RARB: variants seen among roughly 807,000 people sequenced by gnomAD.
RARB encodes the protein HBV-activated protein.
A neutral mutation model predicts 51.9 loss-of-function variants in RARB; 17 were observed. The observed-to-expected ratio is 0.33, with a 90% CI of 0.22 to 0.49. RARB has a LOEUF of 0.49. Among genes scored for constraint, RARB ranks in the 20% least tolerant of loss-of-function variants. The probability of loss-of-function intolerance (pLI) is 0.99; values close to 1 mark genes in which losing one functional copy is unlikely to be tolerated. For missense variants in RARB, 369 were observed against 550.8 expected (o/e 0.67, Z 3.30); for synonymous variants, 215 against 195.4 (o/e 1.10, Z -0.84).
chr3:25,131,000 T>TCATTGATAATA (rs1433010973), intron 3 of RARB, among the ~76,000 whole-genome samples: 1 of 28,636 alleles, frequency 3.5e-5, no homozygotes, highest in African/African-American at 1.4e-4. Flanking sequence ...TCAATATTTA[T>TCATTGATAATA]TTATTATTTA....
chr3:25,125,225 C>T (rs1699842606), intron 3 of RARB, among the ~76,000 whole-genome samples: 1 of 152,134 alleles, frequency 6.6e-6, no homozygotes, highest in Non-Finnish European at 1.5e-5. Context: ...TTAATCAGGG[C>T]ATCTGAAATA....
intron 2 of RARB, among the ~76,000 whole-genome samples, chr3:24,877,695 G>T (rs552972650): frequency 4.1e-4 from 62 of 152,214 alleles, no homozygotes; most frequent in African/African-American, 1.5e-3. Flanking sequence ...ACAATGAGTG[G>T]CAGGCTGGCA....
intron 5 of RARB, among the ~76,000 whole-genome samples, chr3:25,376,369 C>A (rs1466206665): frequency 6.6e-6 from 1 of 152,186 alleles, no homozygotes; most frequent in African/African-American, 2.4e-5. Context: ...TCTCAAAATA[C>A]TATCTTTTGT....
intron 1 of RARB, among the ~76,000 whole-genome samples, chr3:25,454,981 G>T (rs1294636090): frequency 6.6e-6 from 1 of 152,184 alleles, no homozygotes; most frequent in African/African-American, 2.4e-5. Context: ...CTTCGTCAGT[G>T]GGAACTCGGG....
At chr3:25,288,355 G>A (rs1399594681) in intron 5 of RARB, among the ~76,000 whole-genome samples, 7 of 151,566 alleles carry the variant, frequency 4.6e-5, no homozygotes, top group African/African-American at 7.3e-5. Context: ...GCAGTTAATC[G>A]CTTCTTCTCT....
intron 5 of RARB, among the ~76,000 whole-genome samples, chr3:25,400,974 C>T (rs1707247613): frequency 6.6e-6 from 1 of 152,088 alleles, no homozygotes; most frequent in Non-Finnish European, 1.5e-5. Context: ...GAGGGGTCAA[C>T]CCCTCTGAAA....
intron 2 of RARB, among the ~76,000 whole-genome samples, chr3:25,014,513 C>T (rs953477177): frequency 2.6e-5 from 4 of 152,054 alleles, no homozygotes; most frequent in Admixed American, 2.6e-4. Flanking sequence ...GTCATGTAGA[C>T]GAATCTATTT....
chr3:25,125,018 G>C (rs1283499179), intron 3 of RARB, among the ~76,000 whole-genome samples: 1 of 152,152 alleles, frequency 6.6e-6, no homozygotes, highest in African/African-American at 2.4e-5. Flanking sequence ...AAAAATTCTT[G>C]ATTGAGATCA....
At chr3:24,994,758 C>T (rs1024587150) in intron 2 of RARB, among the ~76,000 whole-genome samples, 1 of 151,970 alleles carries the variant, frequency 6.6e-6, no homozygotes, top group African/African-American at 2.4e-5. Context: ...CTGCTCTTTC[C>T]CCATTGTATG....
At chr3:25,456,261 T>C (rs1194456010) in intron 1 of RARB, among the ~76,000 whole-genome samples, 1 of 152,182 alleles carries the variant, frequency 6.6e-6, no homozygotes, top group Non-Finnish European at 1.5e-5. Flanking sequence ...CTGAGCACTC[T>C]GTATCTGCCT....
chr3:25,328,946 C>T (rs555513924), intron 5 of RARB, among the ~76,000 whole-genome samples: 9 of 152,316 alleles, frequency 5.9e-5, no homozygotes, highest in East Asian at 1.9e-4. Flanking sequence ...AGTCTGAGAT[C>T]GAACTGCAAG....
chr3:24,844,993 A>C (rs1368970202), intron 1 of RARB, among the ~76,000 whole-genome samples: 3 of 152,104 alleles, frequency 2.0e-5, no homozygotes, highest in Non-Finnish European at 4.4e-5. Flanking sequence ...GCTGCAAAAC[A>C]TTTCTTCTTA....
intron 2 of RARB, among the ~76,000 whole-genome samples, chr3:25,479,754 C>A (rs1389770229): frequency 1.3e-5 from 2 of 152,304 alleles, no homozygotes; most frequent in Non-Finnish European, 2.9e-5. Flanking sequence ...TCACTGATCA[C>A]AGAAACAACA....
intron 5 of RARB, among the ~76,000 whole-genome samples, chr3:25,293,537 A>G (rs1287340209): frequency 1.4e-5 from 2 of 147,204 alleles, no homozygotes; most frequent in African/African-American, 2.5e-5. Context: ...ATTTCAGATG[A>G]TATTTTGCAG....
intron 4 of RARB, among the ~76,000 whole-genome samples, chr3:25,139,516 T>A (rs1475194597): frequency 6.6e-6 from 1 of 152,116 alleles, no homozygotes; most frequent in East Asian, 1.9e-4. Context: ...CCATCAAGGC[T>A]AAGAGAGATG....
At chr3:25,419,291 C>T (rs1230110915) in intron 5 of RARB, among the ~76,000 whole-genome samples, 1 of 152,098 alleles carries the variant, frequency 6.6e-6, no homozygotes, top group Non-Finnish European at 1.5e-5. Flanking sequence ...TCAGAGTGAC[C>T]TCCCTGTTCT....
intron 2 of RARB, among the ~76,000 whole-genome samples, chr3:24,860,488 A>G (rs1702730238): frequency 6.6e-6 from 1 of 152,180 alleles, no homozygotes; most frequent in Non-Finnish European, 1.5e-5. Context: ...TTTCAAACAC[A>G]CGGCAAGAGT....
At chr3:24,936,145 C>G (rs1695543724) in intron 2 of RARB, among the ~76,000 whole-genome samples, 2 of 152,130 alleles carry the variant, frequency 1.3e-5, no homozygotes, top group Non-Finnish European at 2.9e-5. Context: ...GAAATTGTAT[C>G]ATTCCATCCA....
Position 24,901,266 on chromosome 3 carries a change from C to A in RARB, c.-380+42514C>A, listed in dbSNP as rs555136667. 2.0e-5 allele frequency among the ~76,000 whole-genome samples: 3 copies of A among 152,272 alleles called. No individual in the cohort carries two copies. In the South Asian group the frequency reaches 6.2e-4, roughly 32 times the overall value. On this transcript the variant is annotated intron_variant, in intron 2 of 11. Coordinates refer to the RARB transcript ENST00000383772. The stretch of plus-strand genomic sequence containing the variant: ...ATGAATGATTGGGTATTTAAAGGAA[C>A]CCAGGAGTATTACGGGTGGACATAA...
Sources: gnomAD v4.1 joint callset for allele counts (sites outside exome capture counted in the v4.1 genomes callset) on GRCh38, gnomAD v4.1.1 for gene constraint, MANE v1.5 for transcripts, NCBI Gene and HGNC (gene_info 2026-07-23, HGNC 2026-07-21) for gene names.